Variants in SOBP observed in about 807,000 individuals in gnomAD.
The protein encoded by SOBP is sine oculis binding protein homolog, also known as sine oculis-binding protein homolog.
Under a neutral mutation model 53.6 loss-of-function variants are expected in SOBP, and 4 were observed. The observed-to-expected ratio is 0.07, with a 90% CI of 0.04 to 0.17. The LOEUF (loss-of-function observed/expected upper bound fraction) is 0.17, where lower values mean the gene tolerates loss of function less well. Ranked by LOEUF, SOBP falls within the 10% of genes least tolerant of loss-of-function variation. The probability of loss-of-function intolerance (pLI) is 1.00; values close to 1 mark genes in which losing one functional copy is unlikely to be tolerated. For missense variants in SOBP, 1,088 were observed against 1,204.7 expected, an observed-to-expected ratio of 0.90 and a Z score of 1.43; for synonymous variants, 584 against 522.6, an observed-to-expected ratio of 1.12 and a Z score of -1.60.
chr6:107,647,522 C>T (rs1771611593), intron 6 of SOBP, among the ~76,000 whole-genome samples: 1 of 152,246 alleles, frequency 6.6e-6, no homozygotes, highest in African/African-American at 2.4e-5. Context: ...ATGATAGCCC[C>T]TACAGCCCAG....
chr6:107,608,290 C>T (rs1017782785), intron 5 of SOBP, among the ~76,000 whole-genome samples: 6 of 152,018 alleles, frequency 3.9e-5, no homozygotes, highest in East Asian at 1.9e-4. Flanking sequence ...TGAGTTTCCT[C>T]GTTGGTGATG....
intron 1 of SOBP, among the ~76,000 whole-genome samples, chr6:107,500,629 C>T (rs924165018): frequency 6.6e-6 from 1 of 151,766 alleles, no homozygotes; most frequent in Non-Finnish European, 1.5e-5. Flanking sequence ...TCACGCCATT[C>T]TCCTGCCTCA....
chr6:107,496,985 A>G (rs1212735266), intron 1 of SOBP, among the ~76,000 whole-genome samples: 1 of 152,236 alleles, frequency 6.6e-6, no homozygotes. Context: ...GCCTGAGAGT[A>G]GAGCTAGAAA....
chr6:107,519,453 C>G (rs1157016402), intron 3 of SOBP, among the ~76,000 whole-genome samples: 1 of 152,166 alleles, frequency 6.6e-6, no homozygotes, highest in Non-Finnish European at 1.5e-5. Flanking sequence ...ACGTGTTAAT[C>G]CCATGATTGC....
At position 107,506,270 on chromosome 6, in the gene SOBP, C is replaced by T. The variant is rs372278020; in HGVS notation, c.264C>T (p.Pro88=). 8.7e-6 allele frequency: 14 copies of T among 1,613,922 alleles called. No homozygotes were observed. The highest frequency in any genetic ancestry group is 2.2e-5 in the South Asian group (2 of 91,072). ...KENSLPKPKL[P]EDSVISPYNI... Reference sequence around the variant, plus strand: ...ATTCTTTGCCAAAACCAAAATTACCCGAGGACAGTGTTATTTCACCATACA... The same window carrying T: ...ATTCTTTGCCAAAACCAAAATTACCTGAGGACAGTGTTATTTCACCATACA... Residue 88 remains proline (P), a synonymous_variant, in exon 3 of 7, where the codon CCC becomes CCT. Transcript: ENST00000317357.
intron 5 of SOBP, among the ~76,000 whole-genome samples, chr6:107,593,894 T>C (rs1006430923): frequency 1.3e-5 from 2 of 152,228 alleles, no homozygotes; most frequent in Non-Finnish European, 2.9e-5. Context: ...AAAGAACTTC[T>C]GAGAAAGGGT....
intron 3 of SOBP, among the ~76,000 whole-genome samples, chr6:107,518,804 C>T (rs577490345): frequency 2.0e-5 from 3 of 149,560 alleles, no homozygotes; most frequent in African/African-American, 7.4e-5. Context: ...CTAAGAATTC[C>T]TGCCTGCATA....
chr6:107,490,520 C>T lies in SOBP; in HGVS notation c.-97C>T. The T allele has an allele frequency of 1.2e-6, 1 of 841,514 alleles. No individual in the cohort carries two copies. Among genetic ancestry groups the T allele is most frequent in the Non-Finnish European group, 2.0e-6 (1 of 511,412 alleles). The allele number at this position is 841,514 out of a possible 1,614,324, so 52.1% of individuals were successfully genotyped here. ...GCACCGCTACCTCCGCCAGCCTCGC[C>T]ACCATCAGCACCACCTCCACCGCCG... On this transcript the variant is annotated 5_prime_UTR_variant, in exon 1 of 7. Coordinates refer to ENST00000317357, the MANE Select transcript of SOBP (RefSeq NM_018013.4).
At chr6:107,619,359 GA>G (rs1786918530) in intron 5 of SOBP, among the ~76,000 whole-genome samples, 1 of 152,172 alleles carries the variant, frequency 6.6e-6, no homozygotes, top group Admixed American at 6.5e-5. Flanking sequence ...AAAAGCTGGG[GA>G]AACTCTGGAT....
intron 4 of SOBP, among the ~76,000 whole-genome samples, chr6:107,536,342 C>G (rs933149095): frequency 1.5e-4 from 23 of 152,176 alleles, no homozygotes; most frequent in Admixed American, 7.2e-4. Context: ...CTGAGCAACA[C>G]CTGCATTTGT....
intron 5 of SOBP, among the ~76,000 whole-genome samples, chr6:107,622,048 A>G (rs959073903): frequency 6.6e-6 from 1 of 152,260 alleles, no homozygotes; most frequent in Non-Finnish European, 1.5e-5. Flanking sequence ...GAGTATAGGT[A>G]AAACAGTTGG....
At chr6:107,616,114 A>G (rs929242343) in intron 5 of SOBP, among the ~76,000 whole-genome samples, 1 of 142,688 alleles carries the variant, frequency 7.0e-6, no homozygotes, top group African/African-American at 2.7e-5. Flanking sequence ...GGCTTCAGCC[A>G]TTGTGGAGTC....
chr6:107,526,483 T>A (rs1013222347), intron 3 of SOBP, among the ~76,000 whole-genome samples: 2 of 152,176 alleles, frequency 1.3e-5, no homozygotes, highest in African/African-American at 4.8e-5. Context: ...AGTTCCACTG[T>A]CCTTTCTCTC....
intron 5 of SOBP, among the ~76,000 whole-genome samples, chr6:107,606,132 A>G (rs945285186): frequency 1.7e-5 from 2 of 119,526 alleles, no homozygotes; most frequent in Non-Finnish European, 3.2e-5. Flanking sequence ...GCTGGAGTGT[A>G]GTAGCGCGAT....
chr6:107,498,606 G>A (rs1004880189), intron 1 of SOBP, among the ~76,000 whole-genome samples: 3 of 152,128 alleles, frequency 2.0e-5, no homozygotes, highest in African/African-American at 7.2e-5. Context: ...AATCATGTAG[G>A]TTGAACTTTG....
At chr6:107,607,480 T>G (rs1360263208) in intron 5 of SOBP, among the ~76,000 whole-genome samples, 7 of 152,206 alleles carry the variant, frequency 4.6e-5, no homozygotes, top group Non-Finnish European at 1.0e-4. Flanking sequence ...AGAAAAAAAT[T>G]AAGTTAATGA....
chr6:107,584,384 C>T (rs1785502209), intron 4 of SOBP, among the ~76,000 whole-genome samples: 1 of 152,010 alleles, frequency 6.6e-6, no homozygotes, highest in Non-Finnish European at 1.5e-5. Flanking sequence ...TTAAAAATTT[C>T]ACAATGCAAA....
At chr6:107,577,457 T>G (rs1785264281) in intron 4 of SOBP, among the ~76,000 whole-genome samples, 2 of 152,198 alleles carry the variant, frequency 1.3e-5, no homozygotes, top group South Asian at 4.1e-4. Context: ...AGGGACTCAG[T>G]TTCACTGATT....
Position 107,635,582 on chromosome 6 carries a change from A to G in SOBP, c.*3+113A>G. 7.0e-7 allele frequency: 1 copy of G among 1,422,646 alleles called. No individual in the cohort carries two copies. Among genetic ancestry groups the G allele is most frequent in the East Asian group, 2.3e-5 (1 of 42,920 alleles). 88.1% of individuals were successfully genotyped at this position (1,422,646 alleles called of 1,614,324 possible). A position where few individuals can be genotyped will look rare whatever the true frequency, so the allele number is the denominator to read the frequency against. The stretch of plus-strand genomic sequence containing the variant: ...GTCATGATTTTACCGTGTGTGTTTT[A>G]TATTGCACACGGTGTGGTCACGCTA... On this transcript the variant is annotated intron_variant, in intron 6 of 6. Transcript: ENST00000317357. The surrounding 1 kb of genome is among the most constrained non-coding windows in gnomAD (Gnocchi z 4.5).
Sources: allele counts gnomAD v4.1 joint callset (sites outside exome capture counted in the v4.1 genomes callset), GRCh38; gene constraint gnomAD v4.1.1; non-coding constraint Gnocchi (gnomAD v3.1); transcripts MANE v1.5; gene names NCBI Gene and HGNC (gene_info 2026-07-23, HGNC 2026-07-21).